ACTR3C: variants seen among roughly 807,000 people sequenced by gnomAD.
ACTR3C encodes actin-related protein 3C.
ACTR3C carries 18 observed loss-of-function variants against 26.3 expected under a neutral mutation model. That is an observed-to-expected ratio of 0.68 (90% CI 0.47 to 1.01). ACTR3C has a LOEUF of 1.01. Ranked by LOEUF, ACTR3C falls within the 50% of genes least tolerant of loss-of-function variation. The pLI, the probability that ACTR3C is intolerant of heterozygous loss-of-function variation, is 0.00. For missense variants in ACTR3C, 184 were observed against 250.7 expected, an observed-to-expected ratio of 0.73 and a Z score of 1.80; for synonymous variants, 55 against 94.5, an observed-to-expected ratio of 0.58 and a Z score of 2.42.
chr7:150,186,818 T>C, the ACTR3C span, among the ~76,000 whole-genome samples: 1 of 152,136 alleles, frequency 6.6e-6, no homozygotes, highest in Non-Finnish European at 1.5e-5. Flanking sequence ...GTGAATTGTG[T>C]TTGTGTACCT....
At chr7:150,085,321 G>A in the ACTR3C span, among the ~76,000 whole-genome samples, 1 of 152,284 alleles carries the variant, frequency 6.6e-6, no homozygotes, top group East Asian at 1.9e-4. Flanking sequence ...ATCCAGAAGA[G>A]GGCAGGCAGA....
the ACTR3C span, among the ~76,000 whole-genome samples, chr7:150,094,685 T>G: frequency 6.7e-6 from 1 of 150,372 alleles, no homozygotes; most frequent in Non-Finnish European, 1.5e-5. Context: ...TCCAGAAGCT[T>G]CAGCCCGCCT....
the ACTR3C span, among the ~76,000 whole-genome samples, chr7:149,971,803 G>A: frequency 6.6e-6 from 1 of 152,170 alleles, no homozygotes; most frequent in African/African-American, 2.4e-5. Context: ...TGATATTTTA[G>A]TAAACGGTTC....
At chr7:150,316,644 C>T (rs7788084) in intron 1 of ACTR3C, among the ~76,000 whole-genome samples, 3,059 of 152,152 alleles carry the variant, frequency 0.02, 83 homozygotes, top group African/African-American at 0.07. Context: ...TGCCATCACG[C>T]TCAGCTAATT....
At chr7:150,267,129 G>C (rs576174151) in intron 6 of ACTR3C, among the ~76,000 whole-genome samples, 1 of 152,100 alleles carries the variant, frequency 6.6e-6, no homozygotes, top group Admixed American at 6.5e-5. Flanking sequence ...ACAGTCGCTC[G>C]CTGAGGCGCT....
chr7:150,228,249 T>C, the ACTR3C span, among the ~76,000 whole-genome samples: 5 of 152,244 alleles, frequency 3.3e-5, no homozygotes, highest in East Asian at 1.9e-4. Context: ...CTAGTTATTT[T>C]ATTTTTGGTG....
At chr7:149,910,650 C>G in the ACTR3C span, among the ~76,000 whole-genome samples, 1 of 152,096 alleles carries the variant, frequency 6.6e-6, no homozygotes, top group African/African-American at 2.4e-5. Context: ...TTCAACACTG[C>G]TAACACTAGC....
At chr7:150,044,577 T>G in the ACTR3C span, among the ~76,000 whole-genome samples, 1 of 152,242 alleles carries the variant, frequency 6.6e-6, no homozygotes, top group Non-Finnish European at 1.5e-5. Flanking sequence ...AGACCCTGCA[T>G]TATTAATTCT....
chr7:150,097,987 ACCTCAGCAT>A, the ACTR3C span, among the ~76,000 whole-genome samples: 1 of 151,386 alleles, frequency 6.6e-6, no homozygotes, highest in African/African-American at 2.4e-5. Context: ...TCATGGACTG[ACCTCAGCAT>A]CCTCAGGATC....
At chr7:150,220,179 G>GCCAACTGTAGCCT in the ACTR3C span, among the ~76,000 whole-genome samples, 1 of 148,360 alleles carries the variant, frequency 6.7e-6, no homozygotes, top group Non-Finnish European at 1.5e-5. Context: ...CCACTCGCCC[G>GCCAACTGTAGCCT]CCAACTGTAG....
intron 1 of ACTR3C, among the ~76,000 whole-genome samples, chr7:150,295,689 C>G (rs1298560285): frequency 6.7e-6 from 1 of 150,020 alleles, no homozygotes; most frequent in Non-Finnish European, 1.5e-5. Flanking sequence ...GAAAACACAA[C>G]CAAGACGAGT....
chr7:149,975,979 T>C, the ACTR3C span, among the ~76,000 whole-genome samples: 42 of 152,322 alleles, frequency 2.8e-4, no homozygotes, highest in African/African-American at 1.0e-3. Context: ...AAGTTGATTA[T>C]TTGACAAGAT....
At chr7:150,272,449 A>G (rs1186279103) in intron 6 of ACTR3C, among the ~76,000 whole-genome samples, 2 of 139,788 alleles carry the variant, frequency 1.4e-5, no homozygotes, top group Non-Finnish European at 3.0e-5. Flanking sequence ...GTGACTATCC[A>G]GAACTACTAT....
At chr7:150,161,581 T>C in the ACTR3C span, among the ~76,000 whole-genome samples, 3 of 152,178 alleles carry the variant, frequency 2.0e-5, no homozygotes, top group South Asian at 2.1e-4. Context: ...CCATGGTGCA[T>C]GTGTGCCACA....
the ACTR3C span, among the ~76,000 whole-genome samples, chr7:150,088,823 T>A: frequency 6.6e-6 from 1 of 152,198 alleles, no homozygotes; most frequent in East Asian, 1.9e-4. Flanking sequence ...TCCTCGTCTG[T>A]GAAATGAAGA....
chr7:149,898,867 C>A, the ACTR3C span, among the ~76,000 whole-genome samples: 6 of 151,886 alleles, frequency 4.0e-5, no homozygotes, highest in East Asian at 5.8e-4. Context: ...TTTGTCTATA[C>A]CTATGGAACA....
the ACTR3C span, among the ~76,000 whole-genome samples, chr7:149,922,969 G>GTTTTTTTTTTTT: frequency 4.8e-4 from 11 of 23,092 alleles, no homozygotes; most frequent in Admixed American, 6.2e-4. Flanking sequence ...GAAATAAAAG[G>GTTTTTTTTTTTT]CTTTTTTTTT....
intron 1 of ACTR3C, among the ~76,000 whole-genome samples, chr7:150,299,002 A>G: frequency 8.4e-6 from 1 of 118,694 alleles, no homozygotes; most frequent in East Asian, 2.4e-4. Flanking sequence ...TTTTTTTGAG[A>G]CAGAGTCTCA....
At chr7:150,258,567 T>C (rs1270901037) in intron 6 of ACTR3C, among the ~76,000 whole-genome samples, 2 of 152,264 alleles carry the variant, frequency 1.3e-5, no homozygotes, top group African/African-American at 4.8e-5. Flanking sequence ...AAGTACATAA[T>C]TGGAACTGAC....
Sources: gnomAD v4.1 joint callset for allele counts (sites outside exome capture counted in the v4.1 genomes callset) on GRCh38, gnomAD v4.1.1 for gene constraint, MANE v1.5 for transcripts, NCBI Gene and HGNC (gene_info 2026-07-23, HGNC 2026-07-21) for gene names.